PARD3: variants seen among roughly 807,000 people sequenced by gnomAD.
PARD3 encodes partitioning defective 3 homolog.
Under a neutral mutation model 155.4 loss-of-function variants are expected in PARD3, and 75 were observed. The ratio of observed to expected loss-of-function variants is 0.48; its 90% CI spans 0.40 to 0.58. The LOEUF (loss-of-function observed/expected upper bound fraction) is 0.58. Ranked by LOEUF, PARD3 falls within the 20% of genes least tolerant of loss-of-function variation. The pLI, the probability that PARD3 is intolerant of heterozygous loss-of-function variation, is 0.00. For missense variants in PARD3, 1,642 were observed against 1,721.7 expected (o/e 0.95, Z 0.82); for synonymous variants, 576 against 610.5 (o/e 0.94, Z 0.83).
chr10:34,218,156 G>A (rs1309490569), intron 22 of PARD3, among the ~76,000 whole-genome samples: 1 of 152,140 alleles, frequency 6.6e-6, no homozygotes, highest in East Asian at 1.9e-4. Flanking sequence ...ACCTTCAGAT[G>A]CTTGTAGTTT....
chr10:34,252,955 T>C (rs1350530242), intron 22 of PARD3, among the ~76,000 whole-genome samples: 1 of 152,216 alleles, frequency 6.6e-6, no homozygotes, highest in African/African-American at 2.4e-5. Flanking sequence ...ACTGTGAACC[T>C]GTTGGTCTGC....
Position 34,727,878 on chromosome 10 carries a change from CCA to C in PARD3, c.121-31461_121-31460del, listed in dbSNP as rs61342514. ...ACAAGTATGCAACCCCCTCCCTCCG[CCA>C]CACACACACACACACACACACACAC... On this transcript the variant is annotated intron_variant, in intron 1 of 24. Transcript: ENST00000374788. 4.2e-3 allele frequency among the ~76,000 whole-genome samples: 604 copies of C among 144,540 alleles called. 4 individuals carry two copies. Among genetic ancestry groups the C allele is most frequent in the African/African-American group, 0.013 (516 of 38,464 alleles). The allele number at this position is 144,540 out of a possible 152,430, so 94.8% of individuals were successfully genotyped here.
intron 3 of PARD3, 128 bp from the exon 4 acceptor site, chr10:34,470,391 G>T: frequency 1.6e-6 from 1 of 623,402 alleles, no homozygotes; most frequent in African/African-American, 1.9e-5. Context: ...GGACAAGTGG[G>T]TCAGTATTCT....
intron 2 of PARD3, among the ~76,000 whole-genome samples, chr10:34,528,600 G>A (rs772146949): frequency 1.2e-4 from 19 of 152,134 alleles, no homozygotes; most frequent in South Asian, 2.1e-4. Context: ...TGCTTAGGAT[G>A]TTTCCTGTAA....
intron 22 of PARD3, among the ~76,000 whole-genome samples, chr10:34,180,253 G>C (rs564986433): frequency 2.3e-4 from 35 of 152,206 alleles, no homozygotes; most frequent in Non-Finnish European, 4.6e-4. Context: ...CACCATGTTG[G>C]CCAGGATGGT....
At chr10:34,277,527 A>G (rs1242652965) in intron 21 of PARD3, among the ~76,000 whole-genome samples, 2 of 152,174 alleles carry the variant, frequency 1.3e-5, no homozygotes, top group South Asian at 2.1e-4. Flanking sequence ...GTAAAAGTTG[A>G]TTGAGAAGAA....
At chr10:34,346,233 C>G (rs1310758505) in intron 15 of PARD3, 1 of 1,146,630 alleles carries the variant, frequency 8.7e-7, no homozygotes, top group Non-Finnish European at 1.1e-6. Context: ...CTGTAGCTAA[C>G]AAAATCGGGG....
At position 34,336,404 on chromosome 10, in the gene PARD3, A is replaced by G. The variant is rs112315019; in HGVS notation, c.2561-161T>C. On this transcript the variant is annotated intron_variant, in intron 17 of 24. Transcript: ENST00000374788. ...AAACATTCATAATCAAAAAAGGAGGAAAAAAAAGCAGTGTCTCCATGCAAT... is the reference window on the plus strand; with the variant it reads ...AAACATTCATAATCAAAAAAGGAGGGAAAAAAAGCAGTGTCTCCATGCAAT... 9.3e-4 allele frequency: 521 copies of G among 561,712 alleles called. 2 individuals carry two copies. The highest frequency in any genetic ancestry group is 5.2e-3 in the African/African-American group (268 of 51,846). The allele number at this position is 561,712 out of a possible 1,614,324, so 34.8% of individuals were successfully genotyped here.
chr10:34,769,883 T>G (rs1838649218), intron 1 of PARD3, among the ~76,000 whole-genome samples: 1 of 146,378 alleles, frequency 6.8e-6, no homozygotes, highest in Non-Finnish European at 1.5e-5. Flanking sequence ...ACACACACAA[T>G]TATAACCATT....
intron 2 of PARD3, among the ~76,000 whole-genome samples, chr10:34,677,724 G>C (rs1454647825): frequency 6.6e-6 from 1 of 152,074 alleles, no homozygotes; most frequent in Non-Finnish European, 1.5e-5. Context: ...CTCTTCTCCG[G>C]GCAGGGGGAC....
chr10:34,396,404 T>A (rs1843350112), intron 7 of PARD3, among the ~76,000 whole-genome samples: 1 of 151,930 alleles, frequency 6.6e-6, no homozygotes, highest in African/African-American at 2.4e-5. Context: ...ACACATCAGG[T>A]CACAATAAGA....
chr10:34,701,074 TTCAGGAAGGAAAGATCAC>T (rs2094266730), intron 1 of PARD3, among the ~76,000 whole-genome samples: 1 of 151,986 alleles, frequency 6.6e-6, no homozygotes, highest in African/African-American at 2.4e-5. Flanking sequence ...GTTTTGTGAA[TTCAGGAAGGAAAGATCAC>T]TCTCACTTGG....
At chr10:34,400,825 CTT>C (rs5784413) in intron 6 of PARD3, among the ~76,000 whole-genome samples, 3 of 146,546 alleles carry the variant, frequency 2.0e-5, no homozygotes, top group Admixed American at 6.9e-5. Flanking sequence ...TTTTTTATTA[CTT>C]TTTTTTTTTT....
intron 7 of PARD3, among the ~76,000 whole-genome samples, chr10:34,390,482 C>T (rs1314208166): frequency 6.6e-6 from 1 of 152,124 alleles, no homozygotes; most frequent in East Asian, 1.9e-4. Context: ...AAGGACCTTG[C>T]TAAATGATTT....
intron 2 of PARD3, among the ~76,000 whole-genome samples, chr10:34,581,199 T>C (rs1426977124): frequency 2.0e-5 from 3 of 151,608 alleles, no homozygotes; most frequent in Non-Finnish European, 2.9e-5. Context: ...AAATTTGTTC[T>C]AGAAATTTAT....
intron 1 of PARD3, among the ~76,000 whole-genome samples, chr10:34,767,692 G>A (rs899780822): frequency 1.3e-5 from 2 of 151,902 alleles, no homozygotes; most frequent in Non-Finnish European, 2.9e-5. Context: ...TCCGCCTCCT[G>A]GGTTCATGCG....
intron 2 of PARD3, among the ~76,000 whole-genome samples, chr10:34,573,836 T>A (rs2086670006): frequency 6.6e-6 from 1 of 150,752 alleles, no homozygotes; most frequent in Non-Finnish European, 1.5e-5. Context: ...CACACACTCT[T>A]CATACAATGC....
intron 24 of PARD3, among the ~76,000 whole-genome samples, chr10:34,117,965 T>C (rs10466067): frequency 6.6e-6 from 1 of 152,092 alleles, no homozygotes; most frequent in Admixed American, 6.6e-5. Flanking sequence ...AAATCATGGT[T>C]TAGGGCATGG....
intron 20 of PARD3, among the ~76,000 whole-genome samples, chr10:34,310,651 C>T (rs994677429): frequency 3.3e-5 from 5 of 152,176 alleles, no homozygotes; most frequent in African/African-American, 9.7e-5. Context: ...TTTAAAACTG[C>T]TAACCAGGAA....
Sources: allele counts gnomAD v4.1 joint callset (sites outside exome capture counted in the v4.1 genomes callset), GRCh38; gene constraint gnomAD v4.1.1; transcripts MANE v1.5; gene names NCBI Gene and HGNC (gene_info 2026-07-23, HGNC 2026-07-21).